The following TMEM230 variants were observed in gnomAD, a reference collection of about 807,000 sequenced individuals.
TMEM230 encodes UPF0414 transmembrane protein C20orf30.
A neutral mutation model predicts 15.8 loss-of-function variants in TMEM230; 10 were observed. The ratio of observed to expected loss-of-function variants is 0.63; its 90% CI spans 0.39 to 1.07. The LOEUF (loss-of-function observed/expected upper bound fraction) is 1.07. Among genes scored for constraint, TMEM230 ranks in the 50% least tolerant of loss-of-function variants. The probability of loss-of-function intolerance (pLI) is 0.01; values close to 1 mark genes in which losing one functional copy is unlikely to be tolerated. For synonymous variants in TMEM230, 67 were observed against 76.9 expected (o/e 0.87, Z 0.68); for missense variants, 165 against 193.3 (o/e 0.85, Z 0.87).
At chr20:5,069,410 A>G in intron 3 of TMEM230, 24 of 1,470,316 alleles carry the variant, frequency 1.6e-5, no homozygotes, top group Non-Finnish European at 2.2e-5. Flanking sequence ...ACCCTCAAAA[A>G]ATCCTAATTG....
intron 3 of TMEM230, among the ~76,000 whole-genome samples, chr20:5,086,758 G>A (rs2089349640): frequency 6.6e-6 from 1 of 151,094 alleles, no homozygotes; most frequent in Admixed American, 6.6e-5. Flanking sequence ...GGAGTACAGT[G>A]GCACAATCAC....
chr20:5,103,477 C>G (rs147690932), intron 4 of TMEM230, among the ~76,000 whole-genome samples: 3 of 151,300 alleles, frequency 2.0e-5, no homozygotes, highest in Non-Finnish European at 2.9e-5. Context: ...CTGGGCAACA[C>G]GGCAAAACCT....
chr20:5,085,438 G>A (rs1002851791), intron 3 of TMEM230, among the ~76,000 whole-genome samples: 1 of 151,982 alleles, frequency 6.6e-6, no homozygotes, highest in Non-Finnish European at 1.5e-5. Flanking sequence ...ACAGGCATGC[G>A]CCACCATGCC....
At chr20:5,072,088 T>C (rs1260878202) in intron 3 of TMEM230, among the ~76,000 whole-genome samples, 1 of 152,142 alleles carries the variant, frequency 6.6e-6, no homozygotes, top group Non-Finnish European at 1.5e-5. Flanking sequence ...TCTCACTCTG[T>C]CGCCCAGGCT....
At chr20:5,063,481 G>A (rs1211454108), downstream of TMEM230, among the ~76,000 whole-genome samples, 1 of 151,842 alleles carries the variant, frequency 6.6e-6, no homozygotes, top group East Asian at 1.9e-4. Context: ...TGGAGATGGG[G>A]TTTCACCATA....
rs111528228 is a variant in TMEM230, at chr20:5,080,046, G to A, written c.223-10697C>T. ...AATAAAAGCTGGGTTACTATCTTCA[G>A]TAACTTTCTATTAATTTGATCTTCA... is the stretch of plus-strand genomic sequence containing the variant. On this transcript the variant is annotated intron_variant, in intron 3 of 3. Coordinates refer to the TMEM230 transcript ENST00000612323. 5.2e-3 allele frequency among the ~76,000 whole-genome samples: 792 copies of A among 152,284 alleles called. 9 individuals carry two copies. Among genetic ancestry groups the A allele is most frequent in the African/African-American group, 0.016 (663 of 41,548 alleles).
downstream of TMEM230, among the ~76,000 whole-genome samples, chr20:5,064,745 C>T (rs1013169361): frequency 6.6e-5 from 10 of 151,552 alleles, no homozygotes; most frequent in Admixed American, 5.9e-4. Context: ...AAACCAAATG[C>T]TAATTCAATG....
At chr20:5,112,190 TTAAA>T (rs1190762708) in intron 1 of TMEM230, among the ~76,000 whole-genome samples, 1 of 152,166 alleles carries the variant, frequency 6.6e-6, no homozygotes, top group Non-Finnish European at 1.5e-5. Context: ...ACTAGCATAA[TTAAA>T]TAATTGGTGC....
At chr20:5,060,322 A>G in the TMEM230 span, among the ~76,000 whole-genome samples, 1 of 147,902 alleles carries the variant, frequency 6.8e-6, no homozygotes, top group Non-Finnish European at 1.5e-5. Context: ...TATGTTATAC[A>G]GTGTATTGTC....
chr20:5,073,873 A>G (rs2088905587), intron 3 of TMEM230, among the ~76,000 whole-genome samples: 1 of 152,188 alleles, frequency 6.6e-6, no homozygotes, highest in Non-Finnish European at 1.5e-5. Flanking sequence ...TTTATAAAGA[A>G]TAGAGGTGTA....
At chr20:5,088,083 C>T (rs1438168355) in intron 3 of TMEM230, among the ~76,000 whole-genome samples, 2 of 148,574 alleles carry the variant, frequency 1.3e-5, no homozygotes, top group African/African-American at 4.9e-5. Flanking sequence ...CCAAGGTGGG[C>T]GGATTGCCTG....
At chr20:5,101,717 T>G (rs989329071) in intron 4 of TMEM230, among the ~76,000 whole-genome samples, 2 of 152,198 alleles carry the variant, frequency 1.3e-5, no homozygotes, top group African/African-American at 4.8e-5. Context: ...CTTGAGCCAC[T>G]GCACCTGGCT....
intron 3 of TMEM230, among the ~76,000 whole-genome samples, chr20:5,072,630 C>T (rs2088864418): frequency 6.6e-6 from 1 of 151,996 alleles, no homozygotes; most frequent in Non-Finnish European, 1.5e-5. Context: ...GGGCGGATCA[C>T]CTGAGGTCGG....
downstream of TMEM230, chr20:5,067,459 A>ATATATATATT (rs1379712330): frequency 7.9e-6 from 1 of 126,848 alleles, no homozygotes; most frequent in Non-Finnish European, 1.7e-5. Context: ...ATATATATAT[A>ATATATATATT]TTTTAAGACA....
At chr20:5,099,145 T>G (rs1472101123), downstream of TMEM230, among the ~76,000 whole-genome samples, 3 of 151,904 alleles carry the variant, frequency 2.0e-5, no homozygotes, top group Non-Finnish European at 4.4e-5. Context: ...GAGAAATGAC[T>G]GTGCCACTGC....
intron 3 of TMEM230, among the ~76,000 whole-genome samples, chr20:5,082,079 G>T (rs1221077046): frequency 1.3e-5 from 2 of 150,778 alleles, no homozygotes; most frequent in African/African-American, 4.9e-5. Flanking sequence ...CAGAGATGTG[G>T]TTTCGCCATG....
chr20:5,076,419 TA>T (rs1478595658), intron 3 of TMEM230, among the ~76,000 whole-genome samples: 1 of 151,762 alleles, frequency 6.6e-6, no homozygotes, highest in Non-Finnish European at 1.5e-5. Flanking sequence ...CGGGCGCCTG[TA>T]ATCCCAGCTA....
At chr20:5,092,700 A>C (rs1173620707) in intron 3 of TMEM230, among the ~76,000 whole-genome samples, 2 of 149,568 alleles carry the variant, frequency 1.3e-5, no homozygotes, top group Non-Finnish European at 3.0e-5. Flanking sequence ...GGGCAACAAG[A>C]GCAAAACTCC....
intron 3 of TMEM230, among the ~76,000 whole-genome samples, chr20:5,087,820 G>A (rs1323271427): frequency 6.7e-6 from 1 of 148,420 alleles, no homozygotes; most frequent in African/African-American, 2.5e-5. Context: ...ATTCGGTGGA[G>A]TAGCTGGGAT....
Sources: gnomAD v4.1 joint callset for allele counts (sites outside exome capture counted in the v4.1 genomes callset) on GRCh38, gnomAD v4.1.1 for gene constraint, MANE v1.5 for transcripts, NCBI Gene and HGNC (gene_info 2026-07-23, HGNC 2026-07-21) for gene names.